The following OSBPL9 variants were observed in gnomAD, a reference collection of about 807,000 sequenced individuals.
OSBPL9 encodes the protein oxysterol-binding protein-related protein 9.
Under a neutral mutation model 106.6 loss-of-function variants are expected in OSBPL9, and 40 were observed. The observed-to-expected ratio is 0.38, with a 90% CI of 0.29 to 0.49. The LOEUF (loss-of-function observed/expected upper bound fraction) is 0.49. OSBPL9 is among the 20% of genes least tolerant of loss of function. OSBPL9 has a pLI of 0.97. For synonymous variants in OSBPL9, 269 were observed against 295.4 expected (o/e 0.91, Z 0.92); for missense variants, 609 against 887.2 (o/e 0.69, Z 3.98).
chr1:51,629,285 G>C (rs1644961959), intron 1 of OSBPL9, among the ~76,000 whole-genome samples: 1 of 152,116 alleles, frequency 6.6e-6, no homozygotes, highest in Non-Finnish European at 1.5e-5. Flanking sequence ...TGTATGAATA[G>C]AATGTAAGTT....
intron 2 of OSBPL9, among the ~76,000 whole-genome samples, chr1:51,598,349 G>A (rs368754282): frequency 6.6e-6 from 1 of 152,394 alleles, no homozygotes; most frequent in East Asian, 1.9e-4. Context: ...AATTGGCCCA[G>A]GCCTTGAATG....
intron 3 of OSBPL9, among the ~76,000 whole-genome samples, chr1:51,672,463 A>T (rs1650110081): frequency 6.6e-6 from 1 of 152,130 alleles, no homozygotes; most frequent in Non-Finnish European, 1.5e-5. Flanking sequence ...ACTCCAAAAG[A>T]TTCCTTTATG....
intron 3 of OSBPL9, among the ~76,000 whole-genome samples, chr1:51,674,659 A>C (rs1379671849): frequency 6.6e-6 from 1 of 152,262 alleles, no homozygotes; most frequent in African/African-American, 2.4e-5. Flanking sequence ...GCATAAGGAC[A>C]TTTAGGTCAA....
At chr1:51,665,212 T>C (rs1648150695) in intron 2 of OSBPL9, among the ~76,000 whole-genome samples, 1 of 152,206 alleles carries the variant, frequency 6.6e-6, no homozygotes, top group Non-Finnish European at 1.5e-5. Context: ...TGGGGCAGTC[T>C]TGGTTCACGG....
chr1:51,721,060 A>G (rs1252257141), intron 4 of OSBPL9, among the ~76,000 whole-genome samples: 1 of 151,912 alleles, frequency 6.6e-6, no homozygotes, highest in African/African-American at 2.4e-5. Flanking sequence ...CAGCCTCCCA[A>G]AGTGCTGGGA....
At chr1:51,691,626 A>G (rs191052372) in intron 3 of OSBPL9, among the ~76,000 whole-genome samples, 26 of 152,088 alleles carry the variant, frequency 1.7e-4, no homozygotes, top group African/African-American at 5.8e-4. Context: ...AAGCTTTTTA[A>G]TTTTTTTAAC....
intron 1 of OSBPL9, among the ~76,000 whole-genome samples, chr1:51,647,490 AAT>A (rs1412396668): frequency 6.6e-6 from 1 of 152,138 alleles, no homozygotes; most frequent in African/African-American, 2.4e-5. Context: ...GTATGTCGTT[AAT>A]TCTTTAAACA....
chr1:51,743,374 A>G (rs1667337334), intron 4 of OSBPL9, among the ~76,000 whole-genome samples: 1 of 152,222 alleles, frequency 6.6e-6, no homozygotes, highest in Non-Finnish European at 1.5e-5. Context: ...GATTCTACAA[A>G]CATCAAAAAG....
upstream of OSBPL9, chr1:51,614,412 C>T (rs995918674): frequency 1.2e-4 from 19 of 152,176 alleles, no homozygotes; most frequent in African/African-American, 3.6e-4. Context: ...CCTCAGCTTC[C>T]TGAGTAGGTA....
rs537008049 is a variant in OSBPL9, at chr1:51,716,435, G to T, written c.318+2356G>T. On this transcript the variant is annotated intron_variant, in intron 4 of 23. Transcript: ENST00000428468. ...ATAATAAGAGTACCTACTTCATAGAGTTGTTTTAGTGGTTAAATAAACTAA... is the reference window on the plus strand; with the variant it reads ...ATAATAAGAGTACCTACTTCATAGATTTGTTTTAGTGGTTAAATAAACTAA... Among the ~76,000 whole-genome samples, 4 of 152,326 alleles carry T rather than the reference G, an allele frequency of 2.6e-5. No individual in the cohort carries two copies. In the South Asian group the frequency reaches 8.3e-4, roughly 32 times the overall value.
chr1:51,566,982 T>G, the OSBPL9 span, among the ~76,000 whole-genome samples: 1 of 152,244 alleles, frequency 6.6e-6, no homozygotes, highest in Non-Finnish European at 1.5e-5. Context: ...CAATGACTCC[T>G]GTGGGCTTTT....
chr1:51,674,060 T>C (rs956150928), intron 3 of OSBPL9, among the ~76,000 whole-genome samples: 30 of 150,094 alleles, frequency 2.0e-4, no homozygotes, highest in Admixed American at 4.7e-4. Flanking sequence ...TGTTTTCTTC[T>C]TCTTCTTTTT....
At chr1:51,769,453 C>A (rs918277549) in intron 12 of OSBPL9, among the ~76,000 whole-genome samples, 2 of 152,136 alleles carry the variant, frequency 1.3e-5, no homozygotes, top group African/African-American at 4.8e-5. Context: ...TGACTTCAGA[C>A]CAGTCATTGA....
At position 51,652,128 on chromosome 1, in the gene OSBPL9, A is replaced by T. The variant is rs189927409; in HGVS notation, c.162+87A>T. 2.2e-3 allele frequency: 2,209 copies of T among 1,022,354 alleles called. 46 individuals carry two copies. The highest frequency in any genetic ancestry group is 0.019 in the South Asian group (1,256 of 67,254). The allele number at this position is 1,022,354 out of a possible 1,614,324, so 63.3% of individuals were successfully genotyped here. ...AATTATGGAAGTCTAAATTTAGTTT[A>T]GCTTCCTTACATAATTGTTGGGGCA... is the stretch of plus-strand genomic sequence containing the variant. On this transcript the variant is annotated intron_variant, in intron 2 of 23. Transcript: ENST00000428468.
intron 11 of OSBPL9, 31 bp downstream of exon 11, chr1:51,762,002 A>T: frequency 6.8e-7 from 1 of 1,464,098 alleles, no homozygotes; most frequent in Non-Finnish European, 9.6e-7. Context: ...TTTATGTCTC[A>T]TAACTCTATT....
the OSBPL9 span, among the ~76,000 whole-genome samples, chr1:51,531,614 G>A: frequency 6.6e-6 from 1 of 152,230 alleles, no homozygotes; most frequent in African/African-American, 2.4e-5. Context: ...AGCCAATTTA[G>A]AGAGAATATC....
At chr1:51,571,606 G>A in the OSBPL9 span, among the ~76,000 whole-genome samples, 1 of 152,120 alleles carries the variant, frequency 6.6e-6, no homozygotes, top group African/African-American at 2.4e-5. Context: ...GTTTGAGGCT[G>A]CAGTGAGCTA....
intron 9 of OSBPL9, among the ~76,000 whole-genome samples, chr1:51,757,719 A>G (rs116747396): frequency 1.7e-3 from 254 of 152,264 alleles, no homozygotes; most frequent in Non-Finnish European, 3.0e-3. Context: ...TATTCATGGA[A>G]TAGGCCTTAG....
chr1:51,550,146 T>C, the OSBPL9 span, among the ~76,000 whole-genome samples: 3 of 152,214 alleles, frequency 2.0e-5, no homozygotes, highest in Admixed American at 6.5e-5. Context: ...AAGATAAGAA[T>C]GGTATCCTCT....
Sources: gnomAD v4.1 joint callset for allele counts (sites outside exome capture counted in the v4.1 genomes callset) on GRCh38, gnomAD v4.1.1 for gene constraint, MANE v1.5 for transcripts, NCBI Gene and HGNC (gene_info 2026-07-23, HGNC 2026-07-21) for gene names.